C1GALT1: variants seen among roughly 807,000 people sequenced by gnomAD.
C1GALT1 encodes the protein core 1 synthase, glycoprotein-N-acetylgalactosamine 3-beta-galactosyltransferase 1.
C1GALT1 carries 11 observed loss-of-function variants against 31.0 expected under a neutral mutation model. The observed-to-expected ratio is 0.36, with a 90% CI of 0.22 to 0.59. C1GALT1 has a LOEUF of 0.59. Among genes scored for constraint, C1GALT1 ranks in the 20% least tolerant of loss-of-function variants. C1GALT1 has a pLI of 0.79. For missense variants in C1GALT1, 424 were observed against 425.2 expected (o/e 1.00, Z 0.03); for synonymous variants, 175 against 143.6 (o/e 1.22, Z -1.56).
chr7:7,193,135 G>A (rs1051007458), intron 1 of C1GALT1, among the ~76,000 whole-genome samples: 55 of 152,092 alleles, frequency 3.6e-4, no homozygotes, highest in African/African-American at 1.3e-3. Context: ...CCTTTGCTGT[G>A]CAGAATCTTT....
chr7:7,171,059 G>A (rs1041311973), intron 2 of C1GALT1, among the ~76,000 whole-genome samples: 5 of 151,948 alleles, frequency 3.3e-5, no homozygotes, highest in Non-Finnish European at 7.4e-5. Flanking sequence ...TCTTCCATGT[G>A]CCCTTGAGAA....
intron 1 of C1GALT1, among the ~76,000 whole-genome samples, chr7:7,220,526 C>T (rs1318925043): frequency 6.6e-6 from 1 of 150,538 alleles, no homozygotes; most frequent in African/African-American, 2.4e-5. Context: ...TATCTTTATT[C>T]TTTTTTTTTT....
At chr7:7,179,149 C>T (rs1052968735), upstream of C1GALT1, among the ~76,000 whole-genome samples, 3 of 152,164 alleles carry the variant, frequency 2.0e-5, no homozygotes, top group African/African-American at 7.2e-5. Flanking sequence ...GACCTTATGA[C>T]TCTGACATAA....
intron 1 of C1GALT1, among the ~76,000 whole-genome samples, chr7:7,228,947 G>C (rs1295339539): frequency 6.6e-6 from 1 of 151,844 alleles, no homozygotes; most frequent in South Asian, 2.1e-4. Flanking sequence ...ATAGAAGTAG[G>C]CTTGTTCTGA....
intron 2 of C1GALT1, among the ~76,000 whole-genome samples, chr7:7,167,987 T>G (rs1295724562): frequency 1.3e-5 from 2 of 152,216 alleles, no homozygotes; most frequent in African/African-American, 2.4e-5. Flanking sequence ...CTGTTCTTTC[T>G]TAGAGAAATT....
intron 2 of C1GALT1, among the ~76,000 whole-genome samples, chr7:7,171,711 C>A (rs1780455944): frequency 6.6e-6 from 1 of 151,760 alleles, no homozygotes; most frequent in South Asian, 2.1e-4. Flanking sequence ...TTGTAGTGAA[C>A]CATTTTGATT....
At chr7:7,171,873 T>C (rs1190338917) in intron 2 of C1GALT1, among the ~76,000 whole-genome samples, 1 of 152,186 alleles carries the variant, frequency 6.6e-6, no homozygotes, top group Non-Finnish European at 1.5e-5. Context: ...ACTATACATC[T>C]TTATCTTCCC....
chr7:7,173,941 T>C (rs1305958589), intron 2 of C1GALT1, among the ~76,000 whole-genome samples: 2 of 152,066 alleles, frequency 1.3e-5, no homozygotes, highest in African/African-American at 4.8e-5. Context: ...ATAATATAGA[T>C]TGAGTGGCTT....
At chr7:7,230,503 CTT>C (rs1783020163) in intron 1 of C1GALT1, among the ~76,000 whole-genome samples, 1 of 151,412 alleles carries the variant, frequency 6.6e-6, no homozygotes, top group African/African-American at 2.4e-5. Flanking sequence ...GGCTGGCAAT[CTT>C]TATTTTTTAA....
chr7:7,234,286 AATT>A lies in C1GALT1; in HGVS notation c.-17-16_-17-14del. The A allele has an allele frequency of 6.4e-7, 1 of 1,573,386 alleles. No homozygotes were observed. Among genetic ancestry groups the A allele is most frequent in the Non-Finnish European group, 8.7e-7 (1 of 1,146,164 alleles). Reference sequence around the variant, plus strand: ...AGCTTTGATTTTATAACATCCTGCTAATTTTTGTTCTTACAGAAATACACTTTC... The same window carrying A: ...AGCTTTGATTTTATAACATCCTGCTATTTGTTCTTACAGAAATACACTTTC... On this transcript the variant is annotated splice_polypyrimidine_tract_variant and intron_variant, in intron 1 of 3. Coordinates refer to ENST00000436587, the MANE Select transcript of C1GALT1 (RefSeq NM_020156.5).
At chr7:7,239,960 G>A (rs1783550978) in intron 3 of C1GALT1, among the ~76,000 whole-genome samples, 1 of 152,168 alleles carries the variant, frequency 6.6e-6, no homozygotes, top group Non-Finnish European at 1.5e-5. Flanking sequence ...AGGAATCATG[G>A]AACCTAGCTT....
At chr7:7,230,957 A>G (rs1387910385) in intron 1 of C1GALT1, among the ~76,000 whole-genome samples, 1 of 152,146 alleles carries the variant, frequency 6.6e-6, no homozygotes, top group Non-Finnish European at 1.5e-5. Flanking sequence ...ACTTACATAC[A>G]TACCCTTTTT....
chr7:7,223,296 T>TCCC, intron 1 of C1GALT1, among the ~76,000 whole-genome samples: 1 of 152,260 alleles, frequency 6.6e-6, no homozygotes, highest in East Asian at 1.9e-4. Flanking sequence ...GTAGCTGGGA[T>TCCC]CACAGGCACC....
At chr7:7,219,595 T>C (rs541296037) in intron 1 of C1GALT1, among the ~76,000 whole-genome samples, 1 of 152,350 alleles carries the variant, frequency 6.6e-6, no homozygotes, top group African/African-American at 2.4e-5. Flanking sequence ...AAAAACTATT[T>C]GGAGATTCTC....
chr7:7,242,297 T>C (rs867889862), intron 3 of C1GALT1, among the ~76,000 whole-genome samples: 10 of 151,826 alleles, frequency 6.6e-5, no homozygotes, highest in Middle Eastern at 3.4e-3. Flanking sequence ...TAATCACAAG[T>C]TGACTTATCT....
At chr7:7,216,890 G>C (rs1782269295) in intron 1 of C1GALT1, among the ~76,000 whole-genome samples, 1 of 152,200 alleles carries the variant, frequency 6.6e-6, no homozygotes, top group Non-Finnish European at 1.5e-5. Flanking sequence ...ACCATAGAGA[G>C]AGAGAGTTAT....
intron 1 of C1GALT1, among the ~76,000 whole-genome samples, chr7:7,231,443 A>G (rs1207118354): frequency 6.6e-6 from 1 of 152,166 alleles, no homozygotes; most frequent in Non-Finnish European, 1.5e-5. Flanking sequence ...GGTTCCAGTT[A>G]ACACTTACAT....
intron 2 of C1GALT1, among the ~76,000 whole-genome samples, chr7:7,162,458 T>A (rs1384557798): frequency 1.3e-5 from 2 of 151,716 alleles, no homozygotes; most frequent in Admixed American, 6.6e-5. Flanking sequence ...TCATTTTTTA[T>A]GGCTGCATGG....
At position 7,243,505 on chromosome 7, in the gene C1GALT1, GT is replaced by G; in HGVS notation, c.889-16del. 1.9e-6 allele frequency: 3 copies of G among 1,568,998 alleles called. No individual in the cohort carries two copies. Among genetic ancestry groups the G allele is most frequent in the Non-Finnish European group, 1.7e-6 (2 of 1,160,520 alleles). On this transcript the variant is annotated intron_variant, in intron 3 of 3. Coordinates refer to ENST00000436587, the MANE Select transcript of C1GALT1 (RefSeq NM_020156.5). The stretch of plus-strand genomic sequence containing the variant: ...AATGTGCTGTTTATTAACAATACCT[GT>G]TTCCACTACTTTTTTAGGGTCCTGG...
Sources: gnomAD v4.1 joint callset for allele counts (sites outside exome capture counted in the v4.1 genomes callset) on GRCh38, gnomAD v4.1.1 for gene constraint, MANE v1.5 for transcripts, NCBI Gene and HGNC (gene_info 2026-07-23, HGNC 2026-07-21) for gene names.